SLIT2: variants seen among roughly 807,000 people sequenced by gnomAD.
SLIT2 encodes the protein slit homolog 2 protein.
Under a neutral mutation model 185.7 loss-of-function variants are expected in SLIT2, and 41 were observed. The ratio of observed to expected loss-of-function variants is 0.22; its 90% CI spans 0.17 to 0.29. The LOEUF (loss-of-function observed/expected upper bound fraction) is 0.29, where lower values mean the gene tolerates loss of function less well. Among genes scored for constraint, SLIT2 ranks in the 10% least tolerant of loss-of-function variants. The pLI is 1.00. For synonymous variants in SLIT2, 693 were observed against 680.2 expected, an observed-to-expected ratio of 1.02 and a Z score of -0.29; for missense variants, 1,571 against 1,909.0, an observed-to-expected ratio of 0.82 and a Z score of 3.30.
Position 20,532,006 on chromosome 4 carries a change from A to G in SLIT2, c.1636A>G (p.Thr546Ala). 5.1e-6 allele frequency: 8 copies of G among 1,579,960 alleles called. No homozygotes were observed. Among genetic ancestry groups the G allele is most frequent in the East Asian group, 2.3e-5 (1 of 43,748 alleles). The change falls in exon 17 of 37, where the codon ACC (threonine) becomes GCC (alanine). Residue 546 changes from threonine to alanine, a missense_variant. Physicochemically the swap from Thr to Ala is moderately conservative, Grantham distance 58. Around this residue, in one of 3 missense-constraint regions of SLIT2, gnomAD observed 1,202 missense variants for 1,416.4 expected, o/e 0.85. Coordinates refer to ENST00000504154, the MANE Select transcript of SLIT2 (RefSeq NM_004787.4). ...AELRLNNNEF[T>A]VLEATGIFKK... is the part of the protein sequence containing the mutation. ...CAGGCGTCTCAATAATAATGAATTT[A>G]CCGTGTTGGAAGCCACAGGAATCTT...
At chr4:20,314,658 A>G (rs1023579793) in intron 4 of SLIT2, among the ~76,000 whole-genome samples, 3 of 152,162 alleles carry the variant, frequency 2.0e-5, no homozygotes, top group Non-Finnish European at 4.4e-5. Flanking sequence ...GAAGAAGAAA[A>G]AAATAGGACA....
chr4:20,350,000 G>T (rs1369408889), intron 4 of SLIT2, among the ~76,000 whole-genome samples: 1 of 152,114 alleles, frequency 6.6e-6, no homozygotes, highest in Non-Finnish European at 1.5e-5. Context: ...CCTAGTATTT[G>T]CATTCTACAT....
chr4:20,542,342 G>T (rs1253926885), intron 20 of SLIT2, 152 bp from the exon 21 acceptor site: 4 of 757,362 alleles, frequency 5.3e-6, no homozygotes, highest in East Asian at 5.0e-5. Flanking sequence ...AGAACTTACG[G>T]TATCAATTAG....
intron 4 of SLIT2, among the ~76,000 whole-genome samples, chr4:20,410,771 T>C (rs891987900): frequency 6.6e-6 from 1 of 152,152 alleles, no homozygotes; most frequent in Non-Finnish European, 1.5e-5. Flanking sequence ...GTTCCCTTGG[T>C]CTTGGAGTCT....
intron 29 of SLIT2, among the ~76,000 whole-genome samples, chr4:20,588,316 G>A (rs17620814): frequency 0.23 from 35,081 of 152,006 alleles, 4,309 homozygotes; most frequent in Non-Finnish European, 0.27. Flanking sequence ...TTTGCATCAC[G>A]GGAAAAGACT....
At chr4:20,479,969 G>T (rs1341965773) in intron 5 of SLIT2, among the ~76,000 whole-genome samples, 1 of 152,052 alleles carries the variant, frequency 6.6e-6, no homozygotes, top group African/African-American at 2.4e-5. Context: ...TTTTTAAAAA[G>T]CAAAATTGTT....
At chr4:20,326,846 T>C (rs1016790137) in intron 4 of SLIT2, among the ~76,000 whole-genome samples, 11 of 151,562 alleles carry the variant, frequency 7.3e-5, no homozygotes, top group Non-Finnish European at 1.2e-4. Flanking sequence ...TTTCCTTTTT[T>C]TATTTTCCCC....
intron 25 of SLIT2, among the ~76,000 whole-genome samples, chr4:20,553,259 C>T (rs1187609529): frequency 6.6e-6 from 1 of 152,168 alleles, no homozygotes; most frequent in African/African-American, 2.4e-5. Context: ...AACCACCAGC[C>T]TCCCAGAAAA....
chr4:20,474,777 C>G (rs1006825618), intron 5 of SLIT2, among the ~76,000 whole-genome samples: 7 of 151,936 alleles, frequency 4.6e-5, no homozygotes, highest in Non-Finnish European at 8.8e-5. Flanking sequence ...ATAATTTTAA[C>G]AAGGTTGCCA....
intron 4 of SLIT2, among the ~76,000 whole-genome samples, chr4:20,303,261 C>A (rs1221302283): frequency 6.6e-6 from 1 of 152,176 alleles, no homozygotes; most frequent in Non-Finnish European, 1.5e-5. Context: ...AGTACCCTTA[C>A]AAGCCAGGCA....
intron 26 of SLIT2, among the ~76,000 whole-genome samples, chr4:20,560,904 G>A (rs1049164371): frequency 6.6e-6 from 1 of 151,806 alleles, no homozygotes; most frequent in East Asian, 1.9e-4. Context: ...ACAATTCAGA[G>A]TAAAACCTCT....
intron 28 of SLIT2, among the ~76,000 whole-genome samples, chr4:20,568,063 G>C (rs1354479633): frequency 6.6e-6 from 1 of 152,052 alleles, no homozygotes; most frequent in Non-Finnish European, 1.5e-5. Flanking sequence ...AATGTAAGTA[G>C]ACAGACTTGC....
intron 29 of SLIT2, among the ~76,000 whole-genome samples, chr4:20,570,731 GTATA>G (rs55841917): frequency 0.25 from 31,008 of 124,242 alleles, 4,416 homozygotes; most frequent in Middle Eastern, 0.45. Context: ...ATATATATAT[GTATA>G]TATATATATA....
At chr4:20,280,370 A>C (rs1186132872) in intron 4 of SLIT2, among the ~76,000 whole-genome samples, 32 of 151,692 alleles carry the variant, frequency 2.1e-4, no homozygotes, top group Middle Eastern at 3.4e-3. Context: ...ACAAAAAAAA[A>C]CCAAAAAGCT....
At chr4:20,494,763 G>C (rs1718076782) in intron 9 of SLIT2, among the ~76,000 whole-genome samples, 1 of 149,322 alleles carries the variant, frequency 6.7e-6, no homozygotes. Context: ...GGGTGACAGA[G>C]CTAGACTCCG....
chr4:20,515,518 CT>C (rs1160680833), intron 11 of SLIT2, among the ~76,000 whole-genome samples: 1 of 152,114 alleles, frequency 6.6e-6, no homozygotes, highest in Non-Finnish European at 1.5e-5. Context: ...TTCTGGCAAC[CT>C]TTTCCTAAAC....
In SLIT2 at chr4:20,343,868, T is replaced by A. The variant is rs190129011; in HGVS notation, c.395+74987T>A. Among the ~76,000 whole-genome samples, 199 of 152,104 alleles carry A rather than the reference T, an allele frequency of 1.3e-3. 1 individual carries two copies. The highest frequency in any genetic ancestry group is 4.7e-3 in the African/African-American group (194 of 41,500). On this transcript the variant is annotated intron_variant, in intron 4 of 36. Coordinates refer to ENST00000504154, the MANE Select transcript of SLIT2 (RefSeq NM_004787.4). Reference sequence around the variant, plus strand: ...TATTATTATTATTAGTATTATTTTTTTGAGATGGAGTCTCGCTCTGTTGTC... The same window carrying A: ...TATTATTATTATTAGTATTATTTTTATGAGATGGAGTCTCGCTCTGTTGTC...
intron 34 of SLIT2, among the ~76,000 whole-genome samples, chr4:20,614,478 A>T (rs759871050): frequency 4.4e-4 from 67 of 152,070 alleles, no homozygotes; most frequent in Middle Eastern, 3.4e-3. Context: ...GGAAAGGCTT[A>T]AAAAAAATCA....
intron 4 of SLIT2, among the ~76,000 whole-genome samples, chr4:20,336,059 TAGGG>T (rs2109215571): frequency 6.6e-6 from 1 of 152,210 alleles, no homozygotes; most frequent in East Asian, 1.9e-4. Context: ...TCCAGGTGTG[TAGGG>T]TGATACAGTG....
Sources: allele counts gnomAD v4.1 joint callset (sites outside exome capture counted in the v4.1 genomes callset), GRCh38; gene constraint gnomAD v4.1.1; regional missense constraint gnomAD v4.1.1; transcripts MANE v1.5; gene names NCBI Gene and HGNC (gene_info 2026-07-23, HGNC 2026-07-21).